Variants in DPP6 observed in about 807,000 individuals in gnomAD.
DPP6 encodes the protein A-type potassium channel modulatory protein DPP6.
A neutral mutation model predicts 122.6 loss-of-function variants in DPP6; 69 were observed. The ratio of observed to expected loss-of-function variants is 0.56; its 90% CI spans 0.46 to 0.69. The LOEUF is 0.69. Ranked by LOEUF, DPP6 falls within the 30% of genes least tolerant of loss-of-function variation. DPP6 has a pLI of 0.00. For missense variants in DPP6, 928 were observed against 1,116.9 expected, an observed-to-expected ratio of 0.83 and a Z score of 2.41; for synonymous variants, 418 against 433.1, an observed-to-expected ratio of 0.97 and a Z score of 0.43.
At chr7:154,000,155 T>C (rs1305334779) in intron 1 of DPP6, among the ~76,000 whole-genome samples, 1 of 152,234 alleles carries the variant, frequency 6.6e-6, no homozygotes, top group African/African-American at 2.4e-5. Context: ...AAATATGTTT[T>C]ATGATTGTCA....
intron 16 of DPP6, among the ~76,000 whole-genome samples, chr7:154,837,259 GCACACACATGCACACGCATGCAGGCACAT>G (rs1563266397): frequency 1.3e-5 from 2 of 149,600 alleles, no homozygotes; most frequent in Non-Finnish European, 3.0e-5. Flanking sequence ...ATTCACACAT[GCACACACATGCACACGCATGCAGGCACAT>G]TCACATGCAT....
chr7:154,860,978 A>ATGAT (rs1351777152), intron 17 of DPP6, among the ~76,000 whole-genome samples: 1 of 79,806 alleles, frequency 1.3e-5, no homozygotes, highest in Non-Finnish European at 2.0e-5. Flanking sequence ...ATGTAAAAAG[A>ATGAT]TGATGAAGGA....
At chr7:154,325,299 C>T (rs1339166410) in intron 1 of DPP6, among the ~76,000 whole-genome samples, 1 of 152,176 alleles carries the variant, frequency 6.6e-6, no homozygotes, top group Non-Finnish European at 1.5e-5. Context: ...CCCAGTGTCT[C>T]ACCAGCCATT....
At chr7:154,367,695 G>T (rs1812299671) in intron 1 of DPP6, among the ~76,000 whole-genome samples, 1 of 152,208 alleles carries the variant, frequency 6.6e-6, no homozygotes, top group Non-Finnish European at 1.5e-5. Flanking sequence ...TACAGCAGAA[G>T]AGGAAACAAT....
the DPP6 span, among the ~76,000 whole-genome samples, chr7:153,783,661 A>C: frequency 1.3e-5 from 2 of 152,256 alleles, no homozygotes; most frequent in South Asian, 2.1e-4. Context: ...AAACCCTTTT[A>C]AAATGACAAT....
chr7:154,617,964 A>G (rs546233460), intron 5 of DPP6, among the ~76,000 whole-genome samples: 1 of 152,208 alleles, frequency 6.6e-6, no homozygotes, highest in East Asian at 1.9e-4. Flanking sequence ...TTCATAAGTG[A>G]CCAGTCGAGA....
At chr7:154,127,654 C>CACACACACACACAG (rs1808028423) in intron 1 of DPP6, among the ~76,000 whole-genome samples, 1 of 140,698 alleles carries the variant, frequency 7.1e-6, no homozygotes, top group African/African-American at 2.7e-5. Flanking sequence ...CACACACAGA[C>CACACACACACACAG]ACACACACAC....
At chr7:154,019,065 T>C (rs1798565037) in intron 1 of DPP6, among the ~76,000 whole-genome samples, 1 of 152,222 alleles carries the variant, frequency 6.6e-6, no homozygotes, top group Non-Finnish European at 1.5e-5. Flanking sequence ...ACCTCCATCA[T>C]GTTTGCTATC....
intron 1 of DPP6, among the ~76,000 whole-genome samples, chr7:154,273,990 A>G (rs1247949344): frequency 1.3e-5 from 2 of 152,204 alleles, no homozygotes; most frequent in African/African-American, 4.8e-5. Flanking sequence ...ACACCTTTTC[A>G]TAAAGCCAGG....
chr7:153,883,239 T>C (rs1270492851), upstream of DPP6, among the ~76,000 whole-genome samples: 1 of 152,252 alleles, frequency 6.6e-6, no homozygotes, highest in East Asian at 1.9e-4. Flanking sequence ...GGATAGGGAA[T>C]GAACTTCTGA....
chr7:154,530,714 C>T (rs569053418), intron 3 of DPP6, among the ~76,000 whole-genome samples: 12 of 152,178 alleles, frequency 7.9e-5, no homozygotes, highest in African/African-American at 2.7e-4. Flanking sequence ...CAGCACTGTT[C>T]GCAATAGCAA....
At chr7:153,939,623 GC>G (rs1455976060) in intron 1 of DPP6, among the ~76,000 whole-genome samples, 1 of 152,156 alleles carries the variant, frequency 6.6e-6, no homozygotes, top group Non-Finnish European at 1.5e-5. Flanking sequence ...TCATTTGCTT[GC>G]CATTTATTTG....
intron 1 of DPP6, among the ~76,000 whole-genome samples, chr7:153,944,906 C>T (rs1467658309): frequency 1.3e-5 from 2 of 152,112 alleles, no homozygotes; most frequent in South Asian, 4.1e-4. Flanking sequence ...AGGCTGCAGA[C>T]ACAGGAACTG....
the DPP6 span, among the ~76,000 whole-genome samples, chr7:153,825,575 AT>A: frequency 9.1e-6 from 1 of 110,350 alleles, no homozygotes. Flanking sequence ...TCTTTTCTTT[AT>A]TTTTGAGACA....
chr7:154,476,421 C>T (rs117541793), intron 3 of DPP6, among the ~76,000 whole-genome samples: 2,495 of 152,298 alleles, frequency 0.016, 32 homozygotes, highest in Non-Finnish European at 0.023. Flanking sequence ...CGTGTACACC[C>T]GCTGCATCAG....
chr7:154,643,375 T>C (rs1400264735), intron 6 of DPP6, among the ~76,000 whole-genome samples: 2 of 152,236 alleles, frequency 1.3e-5, no homozygotes, highest in Non-Finnish European at 2.9e-5. Flanking sequence ...GAAAGCATGG[T>C]TGCTATCCTT....
chr7:154,166,779 C>T (rs915681010), intron 1 of DPP6, among the ~76,000 whole-genome samples: 5 of 148,824 alleles, frequency 3.4e-5, no homozygotes, highest in Non-Finnish European at 2.9e-5. Context: ...GGCATGGTGG[C>T]TGGTGCCTGT....
At position 154,624,894 on chromosome 7, in the gene DPP6, A is replaced by G. The variant is rs1001654193; in HGVS notation, c.628-12927A>G. On this transcript the variant is annotated intron_variant, in intron 5 of 25. Transcript: ENST00000377770. This position sits in a 1 kb window ranked among gnomAD's most constrained non-coding sequence, Gnocchi z 4.7. ...GTGAGCATGCTTCAGGGCTGAGCAT[A>G]TGACCAACATTTTACATTTCAGAGT... is the stretch of plus-strand genomic sequence containing the variant. Among the ~76,000 whole-genome samples the G allele has an allele frequency of 1.4e-4, 21 of 152,172 alleles. 2 individuals carry two copies. Among genetic ancestry groups the G allele is most frequent in the Admixed American group, 1.0e-3 (16 of 15,278 alleles).
intron 1 of DPP6, among the ~76,000 whole-genome samples, chr7:153,999,558 T>G (rs1797592684): frequency 6.6e-6 from 1 of 152,190 alleles, no homozygotes; most frequent in Non-Finnish European, 1.5e-5. Flanking sequence ...CTGTGTTCCT[T>G]TGAATGGAGG....
Sources: gnomAD v4.1 joint callset for allele counts (sites outside exome capture counted in the v4.1 genomes callset) on GRCh38, gnomAD v4.1.1 for gene constraint, Gnocchi (gnomAD v3.1) non-coding constraint, MANE v1.5 for transcripts, NCBI Gene and HGNC (gene_info 2026-07-23, HGNC 2026-07-21) for gene names.